The following NOS1 variants were observed in gnomAD, a reference collection of about 807,000 sequenced individuals.
The protein encoded by NOS1 is nitric oxide synthase 1.
A neutral mutation model predicts 164.5 loss-of-function variants in NOS1; 51 were observed. That is an observed-to-expected ratio of 0.31 (90% CI 0.25 to 0.39). The LOEUF is 0.39. Among genes scored for constraint, NOS1 ranks in the 10% least tolerant of loss-of-function variants. The probability of loss-of-function intolerance (pLI) is 1.00; values close to 1 mark genes in which losing one functional copy is unlikely to be tolerated. For synonymous variants in NOS1, 719 were observed against 745.8 expected (o/e 0.96, Z 0.59); for missense variants, 1,362 against 1,885.6 (o/e 0.72, Z 5.14).
chr12:117,289,625 T>G (rs1372948174), intron 4 of NOS1, among the ~76,000 whole-genome samples: 4 of 152,226 alleles, frequency 2.6e-5, no homozygotes, highest in Admixed American at 2.0e-4. Flanking sequence ...TCATCTAGGT[T>G]TTAAGCCCCG....
intron 16 of NOS1, among the ~76,000 whole-genome samples, chr12:117,255,566 T>C (rs1871372857): frequency 6.6e-6 from 1 of 152,182 alleles, no homozygotes; most frequent in African/African-American, 2.4e-5. Context: ...ATGCAATATA[T>C]CAGGGGGTGG....
chr12:117,299,763 C>T (rs914550387), intron 3 of NOS1, among the ~76,000 whole-genome samples: 7 of 152,116 alleles, frequency 4.6e-5, no homozygotes, highest in African/African-American at 9.6e-5. Context: ...GAGTCAGACT[C>T]ACCCAGTTAA....
At chr12:117,241,201 G>T (rs150839023) in intron 20 of NOS1, among the ~76,000 whole-genome samples, 1,665 of 152,152 alleles carry the variant, frequency 0.011, 24 homozygotes, top group East Asian at 0.054. Flanking sequence ...GCCTCCCAAA[G>T]TGCTGGGGTT....
At chr12:117,221,173 A>G (rs1592923464) in intron 26 of NOS1, among the ~76,000 whole-genome samples, 1 of 130,420 alleles carries the variant, frequency 7.7e-6, no homozygotes, top group East Asian at 2.4e-4. Flanking sequence ...TTTATTTTTG[A>G]GACAGAGTCT....
intron 3 of NOS1, among the ~76,000 whole-genome samples, chr12:117,309,817 T>C (rs1233662422): frequency 1.3e-5 from 2 of 152,206 alleles, no homozygotes; most frequent in Non-Finnish European, 2.9e-5. Context: ...GCCGGTAAGA[T>C]TGATCCAACC....
At chr12:117,255,098 A>T (rs1374399547) in intron 16 of NOS1, among the ~76,000 whole-genome samples, 1 of 152,174 alleles carries the variant, frequency 6.6e-6, no homozygotes, top group African/African-American at 2.4e-5. Context: ...AACTTAGAGT[A>T]TAATAATAAT....
rs1877038693 is a variant in NOS1, at chr12:117,359,876, T to TATATATATA, written c.-421+1635_-421+1636insTATATATAT. Among the ~76,000 whole-genome samples, 26 of 36,964 alleles carry TATATATATA rather than the reference T, an allele frequency of 7.0e-4. 6 individuals carry two copies. Among genetic ancestry groups the TATATATATA allele is most frequent in the South Asian group, 2.2e-3 (2 of 896 alleles). 24.2% of individuals were successfully genotyped at this position (36,964 alleles called of 152,430 possible). On this transcript the variant is annotated intron_variant, in intron 1 of 28. Coordinates refer to ENST00000317775, the MANE Select transcript of NOS1 (RefSeq NM_000620.5). ...GTCCCAGAGCATTACAATAATGGTT[T>TATATATATA]TATATATATATATATATATATATAT... is the stretch of plus-strand genomic sequence containing the variant.
Position 117,215,201 on chromosome 12 carries a change from G to A in NOS1, c.*108C>T, listed in dbSNP as rs1174874378. 9 of 1,356,096 alleles carry A rather than the reference G, an allele frequency of 6.6e-6. No individual in the cohort carries two copies. Among genetic ancestry groups the A allele is most frequent in the Middle Eastern group, 2.0e-4 (1 of 5,066 alleles). 84.0% of individuals were successfully genotyped at this position (1,356,096 alleles called of 1,614,324 possible). On this transcript the variant is annotated 3_prime_UTR_variant, in exon 29 of 29. Coordinates refer to ENST00000317775, the MANE Select transcript of NOS1 (RefSeq NM_000620.5). ...CCGAGGAGGGAAACCAGGGCACAGCGACAAGGACAGGAGGCAGAGCGAGGG... is the reference window on the plus strand; with the variant it reads ...CCGAGGAGGGAAACCAGGGCACAGCAACAAGGACAGGAGGCAGAGCGAGGG...
chr12:117,286,190 T>C lies in NOS1; in HGVS notation c.1204A>G (p.Lys402Glu), dbSNP rs748889660. Reference protein sequence around the residue: ...EIDTTSTYQLKDTELIYGAKH... With the variant: ...EIDTTSTYQLEDTELIYGAKH... ...GCCCCATAGATGAGCTCTGTGTCCT[T>C]GAGCTGGTAAGTGCTAGTGGTGTCG... Residue 402 changes from lysine (K) to glutamate (E), a missense_variant, in exon 6 of 29, where the codon AAG becomes GAG. Transcript: ENST00000317775. 2.5e-6 allele frequency: 4 copies of C among 1,608,962 alleles called. No homozygotes were observed. In the South Asian group the frequency reaches 3.3e-5, roughly 13 times the overall value.
intron 12 of NOS1, among the ~76,000 whole-genome samples, 181 bp from the exon 13 acceptor site, chr12:117,264,155 G>A (rs1184948804): frequency 1.3e-5 from 2 of 148,308 alleles, no homozygotes; most frequent in Non-Finnish European, 3.0e-5. Context: ...GAGGGGGGGG[G>A]TCCTTGCCCA....
intron 2 of NOS1, among the ~76,000 whole-genome samples, chr12:117,316,457 G>A (rs1200774648): frequency 6.6e-6 from 1 of 152,122 alleles, no homozygotes; most frequent in East Asian, 1.9e-4. Context: ...GCTCTTTCAT[G>A]TTCCCTCTGC....
In NOS1 at chr12:117,220,194, T is replaced by C. The variant is rs377188191; in HGVS notation, c.4051A>G (p.Ile1351Val). 18 of 1,613,828 alleles carry C rather than the reference T, an allele frequency of 1.1e-5. No individual in the cohort carries two copies. Among genetic ancestry groups the C allele is most frequent in the Non-Finnish European group, 1.3e-5 (15 of 1,179,998 alleles). ...ATGGTGACGTCCCCACAGACGTATA[T>C]GTGGCCCCCTTGCTCCTTCAGGGCT... ...YRALKEQGGHIYVCGDVTMAA... is the reference protein window; with the variant it reads ...YRALKEQGGHVYVCGDVTMAA... The change falls in exon 27 of 29, where the codon ATA becomes GTA. Residue 1351 changes from isoleucine (I) to valine (V), a missense_variant. By Grantham distance (29) the Ile-to-Val change is conservative. Around this residue, in one of 4 missense-constraint regions of NOS1, gnomAD observed 737 missense variants for 1,030.3 expected, o/e 0.72. Transcript: ENST00000317775.
At chr12:117,345,711 A>G (rs960185246) in intron 1 of NOS1, among the ~76,000 whole-genome samples, 5 of 152,192 alleles carry the variant, frequency 3.3e-5, no homozygotes, top group African/African-American at 2.4e-5. Context: ...ATTAACACTT[A>G]GGGCTGGGCT....
At chr12:117,334,814 C>T (rs985739130) in intron 1 of NOS1, among the ~76,000 whole-genome samples, 1 of 152,194 alleles carries the variant, frequency 6.6e-6, no homozygotes, top group African/African-American at 2.4e-5. Flanking sequence ...GTTCGGCTGT[C>T]CCCCAACTTT....
At chr12:117,336,216 T>A (rs763025183) in intron 1 of NOS1, among the ~76,000 whole-genome samples, 1 of 152,188 alleles carries the variant, frequency 6.6e-6, no homozygotes, top group Non-Finnish European at 1.5e-5. Context: ...ATTTTATAGA[T>A]GAGAAAACAA....
At chr12:117,233,532 T>C (rs1869439394) in intron 21 of NOS1, among the ~76,000 whole-genome samples, 1 of 150,300 alleles carries the variant, frequency 6.7e-6, no homozygotes, top group African/African-American at 2.4e-5. Context: ...CTCAGCCGGG[T>C]GCGGTGGCTC....
At position 117,330,224 on chromosome 12, in the gene NOS1, TA is replaced by T; in HGVS notation, c.725+120del. ...CGTCAAGTGGTTATGCAAAAACAGG[TA>T]TCTGAGACAGCCCAGGTTGGCTTCT... On this transcript the variant is annotated intron_variant, in intron 2 of 28. Transcript: ENST00000317775. This position sits in a 1 kb window ranked among gnomAD's most constrained non-coding sequence, Gnocchi z 4.6. 7.1e-7 allele frequency: 1 copy of T among 1,411,906 alleles called. No individual in the cohort carries two copies. Among genetic ancestry groups the T allele is most frequent in the South Asian group, 1.7e-5 (1 of 57,270 alleles). 87.5% of individuals were successfully genotyped at this position (1,411,906 alleles called of 1,614,324 possible). A position where few individuals can be genotyped will look rare whatever the true frequency, so the allele number is the denominator to read the frequency against.
chr12:117,272,282 T>C lies in NOS1; in HGVS notation c.1839+103A>G, dbSNP rs1416259182. ...GGGATTGCAATTCTATTCTAACCCC[T>C]TCAAGTTTCCAAGCCACCAAGCTCG... On this transcript the variant is annotated intron_variant, in intron 10 of 28. Transcript: ENST00000317775. The surrounding 1 kb of genome is among the most constrained non-coding windows in gnomAD (Gnocchi z 4.3). 3 of 1,295,470 alleles carry C rather than the reference T, an allele frequency of 2.3e-6. No homozygotes were observed. The highest frequency in any genetic ancestry group is 3.0e-5 in the African/African-American group (2 of 67,702). The allele number at this position is 1,295,470 out of a possible 1,614,324, so 80.2% of individuals were successfully genotyped here. A position where few individuals can be genotyped will look rare whatever the true frequency, so the allele number is the denominator to read the frequency against.
At chr12:117,283,317 C>T (rs992183611) in intron 7 of NOS1, among the ~76,000 whole-genome samples, 8 of 152,188 alleles carry the variant, frequency 5.3e-5, no homozygotes, top group African/African-American at 1.9e-4. Context: ...TCACCTTGGC[C>T]TCCCACCTTG....
Sources: allele counts gnomAD v4.1 joint callset (sites outside exome capture counted in the v4.1 genomes callset), GRCh38; gene constraint gnomAD v4.1.1; regional missense constraint gnomAD v4.1.1; non-coding constraint Gnocchi (gnomAD v3.1); transcripts MANE v1.5; gene names NCBI Gene and HGNC (gene_info 2026-07-23, HGNC 2026-07-21).